The following BAZ2B variants were observed in gnomAD, a reference collection of about 807,000 sequenced individuals.
BAZ2B encodes the protein bromodomain adjacent to zinc finger domain 2B, also known as bromodomain adjacent to zinc finger domain protein 2B.
Under a neutral mutation model 246.0 loss-of-function variants are expected in BAZ2B, and 91 were observed. The observed-to-expected ratio is 0.37, with a 90% CI of 0.31 to 0.44. The LOEUF is 0.44. Among genes scored for constraint, BAZ2B ranks in the 20% least tolerant of loss-of-function variants. BAZ2B has a pLI of 1.00. For missense variants in BAZ2B, 2,332 were observed against 2,533.7 expected, an observed-to-expected ratio of 0.92 and a Z score of 1.71; for synonymous variants, 855 against 860.0, an observed-to-expected ratio of 0.99 and a Z score of 0.10.
At chr2:159,583,949 CAAG>C (rs532963555) in intron 1 of BAZ2B, among the ~76,000 whole-genome samples, 110 of 152,116 alleles carry the variant, frequency 7.2e-4, no homozygotes, top group African/African-American at 2.6e-3. Flanking sequence ...CAAGAAACAA[CAAG>C]AAGGTTAGTG....
intron 20 of BAZ2B, 151 bp from the exon 21 acceptor site, chr2:159,389,636 A>G: frequency 1.4e-6 from 1 of 709,364 alleles, no homozygotes; most frequent in Non-Finnish European, 2.1e-6. Flanking sequence ...TATATTTAAT[A>G]TCAATATTAG....
Position 159,351,790 on chromosome 2 carries a change from C to A in BAZ2B, c.4214-1433G>T, listed in dbSNP as rs139097436. ...TTGTTTTAAAAATAATTTATAAGAACTATTTTAAAAACATAAATCCACTAC... is the reference window on the plus strand; with the variant it reads ...TTGTTTTAAAAATAATTTATAAGAAATATTTTAAAAACATAAATCCACTAC... On this transcript the variant is annotated intron_variant, in intron 27 of 36. Coordinates refer to ENST00000392783, the MANE Select transcript of BAZ2B (RefSeq NM_013450.4). 8.8e-3 allele frequency among the ~76,000 whole-genome samples: 1,337 copies of A among 152,226 alleles called. 36 individuals are homozygous for A. Among genetic ancestry groups the A allele is most frequent in the East Asian group, 0.069 (358 of 5,192 alleles).
intron 13 of BAZ2B, among the ~76,000 whole-genome samples, chr2:159,422,329 C>G (rs2068914524): frequency 1.3e-5 from 2 of 152,202 alleles, no homozygotes; most frequent in Admixed American, 6.5e-5. Flanking sequence ...TCACACTTAC[C>G]TGACTTCCAA....
chr2:159,706,555 CGCGT>C, the BAZ2B span, among the ~76,000 whole-genome samples: 1 of 152,162 alleles, frequency 6.6e-6, no homozygotes. Context: ...TGTGCACGCA[CGCGT>C]GCGCATGTGC....
intron 3 of BAZ2B, among the ~76,000 whole-genome samples, chr2:159,467,548 C>T (rs2077230863): frequency 6.6e-6 from 1 of 152,134 alleles, no homozygotes; most frequent in Non-Finnish European, 1.5e-5. Context: ...TATGTTGTGT[C>T]CATTCCTTAA....
At chr2:159,525,362 G>A (rs184130623) in intron 2 of BAZ2B, among the ~76,000 whole-genome samples, 5 of 152,150 alleles carry the variant, frequency 3.3e-5, no homozygotes, top group Admixed American at 1.3e-4. Context: ...CCTATAACAC[G>A]CAAGAGTTAA....
At chr2:159,432,189 A>G (rs1299023241) in intron 9 of BAZ2B, among the ~76,000 whole-genome samples, 1 of 151,986 alleles carries the variant, frequency 6.6e-6, no homozygotes, top group East Asian at 1.9e-4. Flanking sequence ...CTTGTATTTT[A>G]TGTTTTCAGT....
At chr2:159,471,005 A>AT (rs1293271081) in intron 3 of BAZ2B, among the ~76,000 whole-genome samples, 3 of 152,030 alleles carry the variant, frequency 2.0e-5, no homozygotes, top group Non-Finnish European at 2.9e-5. Flanking sequence ...GCCTTGATTT[A>AT]TGAGTACAGG....
rs980325319 is a variant in BAZ2B, at chr2:159,386,458, T to C, written c.3366A>G (p.Gln1122=). The change falls in exon 22 of 37, where the codon CAA becomes CAG. Residue 1122 remains glutamine (Q), a synonymous_variant. Transcript: ENST00000392783. ...TGTCCCCTATATTTAGCAATCCCTC[T>C]TGAAGAACACTCAGGTTTGGAACAT... ...NIDVPNLSVL[Q]EGLLNIGDSM... is the part of the protein sequence containing the mutation. 6.2e-7 allele frequency: 1 copy of C among 1,613,658 alleles called. No individual in the cohort carries two copies. Among genetic ancestry groups the C allele is most frequent in the Admixed American group, 1.7e-5 (1 of 59,926 alleles).
At chr2:159,398,077 ATAAAG>A (rs898901976) in intron 18 of BAZ2B, 1 of 152,236 alleles carries the variant, frequency 6.6e-6, no homozygotes, top group Non-Finnish European at 1.5e-5. Context: ...AATTTAAAAA[ATAAAG>A]TAAGACAGTC....
chr2:159,572,364 TG>T (rs1428509724), intron 1 of BAZ2B, among the ~76,000 whole-genome samples: 5 of 152,180 alleles, frequency 3.3e-5, no homozygotes, highest in Non-Finnish European at 7.3e-5. Context: ...ACCCTACTGG[TG>T]GCTGGCATCT....
chr2:159,388,935 C>A (rs1371700419), intron 21 of BAZ2B, among the ~76,000 whole-genome samples: 1 of 152,038 alleles, frequency 6.6e-6, no homozygotes, highest in East Asian at 1.9e-4. Flanking sequence ...AAAAAACTAG[C>A]CAGGCATGGT....
intron 1 of BAZ2B, among the ~76,000 whole-genome samples, chr2:159,607,132 G>A (rs901167166): frequency 3.3e-5 from 5 of 152,140 alleles, no homozygotes; most frequent in Non-Finnish European, 7.4e-5. Flanking sequence ...TGGGATTACA[G>A]GCATGAGCCA....
chr2:159,613,415 C>T (rs1465476100), intron 1 of BAZ2B, among the ~76,000 whole-genome samples: 1 of 146,506 alleles, frequency 6.8e-6, no homozygotes, highest in East Asian at 2.1e-4. Context: ...ATATTAAGTT[C>T]TCATAAATAA....
chr2:159,533,107 G>A (rs1472156968), intron 2 of BAZ2B, among the ~76,000 whole-genome samples: 1 of 152,112 alleles, frequency 6.6e-6, no homozygotes, highest in Non-Finnish European at 1.5e-5. Flanking sequence ...GGAGTGAAAG[G>A]AAAACAAAGG....
At chr2:159,523,210 C>A (rs1334949820) in intron 2 of BAZ2B, among the ~76,000 whole-genome samples, 2 of 151,966 alleles carry the variant, frequency 1.3e-5, no homozygotes, top group Admixed American at 6.6e-5. Flanking sequence ...CTAGGCCAGC[C>A]TGGGTAATAG....
chr2:159,608,777 TA>T (rs914085606), intron 1 of BAZ2B, among the ~76,000 whole-genome samples: 2 of 152,022 alleles, frequency 1.3e-5, no homozygotes, highest in Non-Finnish European at 2.9e-5. Context: ...ATTTGTTGTT[TA>T]AAAAAAAGTA....
chr2:159,568,621 A>C (rs1016396125), intron 1 of BAZ2B, among the ~76,000 whole-genome samples: 1 of 152,070 alleles, frequency 6.6e-6, no homozygotes, highest in African/African-American at 2.4e-5. Context: ...CTCTTTCAAC[A>C]GTGTTAGCTA....
chr2:159,525,884 T>C (rs935162410), intron 2 of BAZ2B, among the ~76,000 whole-genome samples: 1 of 152,188 alleles, frequency 6.6e-6, no homozygotes, highest in South Asian at 2.1e-4. Flanking sequence ...TTGATTTTAA[T>C]GCTGCAAACA....
Sources: gnomAD v4.1 joint callset for allele counts (sites outside exome capture counted in the v4.1 genomes callset) on GRCh38, gnomAD v4.1.1 for gene constraint, MANE v1.5 for transcripts, NCBI Gene and HGNC (gene_info 2026-07-23, HGNC 2026-07-21) for gene names.